GEMIN5: variants seen among roughly 807,000 people sequenced by gnomAD.
GEMIN5 encodes the protein gem nuclear organelle associated protein 5.
In GEMIN5, 124 loss-of-function variants were observed where a neutral mutation model predicts 176.9. The ratio of observed to expected loss-of-function variants is 0.70; its 90% CI spans 0.61 to 0.81. The LOEUF (loss-of-function observed/expected upper bound fraction) is 0.81, where lower values mean the gene tolerates loss of function less well. Ranked by LOEUF, GEMIN5 falls within the 40% of genes least tolerant of loss-of-function variation. The pLI, the probability that GEMIN5 is intolerant of heterozygous loss-of-function variation, is 0.00. For synonymous variants in GEMIN5, 673 were observed against 665.2 expected, an observed-to-expected ratio of 1.01 and a Z score of -0.18; for missense variants, 1,843 against 1,814.6, an observed-to-expected ratio of 1.02 and a Z score of -0.28.
Position 154,935,841 on chromosome 5 carries a change from C to T in GEMIN5, c.509G>A (p.Gly170Asp), listed in dbSNP as rs758065025. 6.2e-7 allele frequency: 1 copy of T among 1,607,002 alleles called. No individual in the cohort carries two copies. Among genetic ancestry groups the T allele is most frequent in the Non-Finnish European group, 8.5e-7 (1 of 1,174,074 alleles). Residue 170 changes from glycine to aspartate, a missense_variant and splice_region_variant, in exon 3 of 28, where the codon GGC (glycine) becomes GAC (aspartate). Transcript: ENST00000285873. The part of the protein sequence containing the change: ...SPHHEDLVAI[G>D]YKDGIVVIID... ...TCAATACAGATGGCATAGTACTTACCCAATGGCTACTAAATCTTCATGATG... is the reference window on the plus strand; with the variant it reads ...TCAATACAGATGGCATAGTACTTACTCAATGGCTACTAAATCTTCATGATG...
At chr5:154,921,951 T>C (rs573450146) in intron 9 of GEMIN5, among the ~76,000 whole-genome samples, 1 of 152,322 alleles carries the variant, frequency 6.6e-6, no homozygotes, top group African/African-American at 2.4e-5. Context: ...TGCTTAACTT[T>C]GTAGAAAAAA....
Position 154,904,540 on chromosome 5 carries a change from A to T in GEMIN5, c.2599T>A (p.Cys867Ser). 1.2e-6 allele frequency: 2 copies of T among 1,613,572 alleles called. No individual in the cohort carries two copies. The highest frequency in any genetic ancestry group is 1.7e-6 in the Non-Finnish European group (2 of 1,179,444). Reference protein sequence around the residue: ...HRSKEELHQDCLVLATAKHSR... With the variant: ...HRSKEELHQDSLVLATAKHSR... ...TGCTTTGCAGTTGCTAGTACCAAAC[A>T]GTCCTGATGAAGCTCCTCTTTGGAT... Residue 867 changes from cysteine to serine, a missense_variant, in exon 18 of 28, where the codon TGT becomes AGT. Coordinates refer to ENST00000285873, the MANE Select transcript of GEMIN5 (RefSeq NM_015465.5).
Position 154,911,846 on chromosome 5 carries a change from C to A in GEMIN5, c.2048G>T (p.Gly683Val). 1 of 1,614,106 alleles carries A rather than the reference C, an allele frequency of 6.2e-7. No homozygotes were observed. Among genetic ancestry groups the A allele is most frequent in the Non-Finnish European group, 8.5e-7 (1 of 1,179,960 alleles). The change falls in exon 15 of 28, where the codon GGT becomes GTT. Residue 683 changes from glycine to valine, a missense_variant. Gly to Val is a moderately radical substitution (Grantham distance 109). Coordinates refer to ENST00000285873, the MANE Select transcript of GEMIN5 (RefSeq NM_015465.5). Reference protein sequence around the residue: ...EPLCNFRGHRGRLLCVAWSPL... With the variant: ...EPLCNFRGHRVRLLCVAWSPL... ...AGACCATGCCACACAAAGCAGTCGA[C>A]CTCGATGTCCTCGGAAATTGCACAG...
At chr5:154,925,462 C>T (rs921185037) in intron 8 of GEMIN5, among the ~76,000 whole-genome samples, 6 of 152,106 alleles carry the variant, frequency 3.9e-5, no homozygotes, top group African/African-American at 1.4e-4. Context: ...TGTTTTATAA[C>T]CTGCTTTCCA....
chr5:154,922,402 C>T (rs1356261615), intron 9 of GEMIN5, among the ~76,000 whole-genome samples: 1 of 152,204 alleles, frequency 6.6e-6, no homozygotes, highest in South Asian at 2.1e-4. Flanking sequence ...CTCCTGACCT[C>T]GTGATCTGCC....
intron 13 of GEMIN5, 58 bp from the exon 14 acceptor site, chr5:154,913,096 A>C: frequency 1.4e-6 from 2 of 1,401,460 alleles, no homozygotes; most frequent in Non-Finnish European, 9.8e-7. Flanking sequence ...AAACAAAACA[A>C]AGTACATCCA....
intron 3 of GEMIN5, among the ~76,000 whole-genome samples, chr5:154,933,650 T>C (rs967206082): frequency 2.0e-5 from 3 of 152,222 alleles, no homozygotes; most frequent in Non-Finnish European, 2.9e-5. Flanking sequence ...CATTACAGCA[T>C]TCGACAGGGA....
intron 14 of GEMIN5, among the ~76,000 whole-genome samples, 193 bp from the exon 15 acceptor site, chr5:154,912,091 C>T (rs1479585936): frequency 6.6e-6 from 1 of 152,170 alleles, no homozygotes; most frequent in East Asian, 1.9e-4. Flanking sequence ...GACTTCTGTG[C>T]TTGGAGATGC....
chr5:154,905,801 G>C (rs570384089), intron 16 of GEMIN5, among the ~76,000 whole-genome samples: 5 of 151,168 alleles, frequency 3.3e-5, no homozygotes, highest in Non-Finnish European at 5.9e-5. Flanking sequence ...CTAGGTCCAA[G>C]CAATTCTCCT....
intron 12 of GEMIN5, 33 bp from the exon 13 acceptor site, chr5:154,917,212 T>G: frequency 8.0e-7 from 1 of 1,255,540 alleles, no homozygotes; most frequent in Non-Finnish European, 1.1e-6. Context: ...ACAAGAAAGA[T>G]GGATGATCAA....
At chr5:154,888,491 C>A in intron 27 of GEMIN5, 114 bp from the exon 28 acceptor site, 1 of 760,808 alleles carries the variant, frequency 1.3e-6, no homozygotes, top group Non-Finnish European at 2.1e-6. Flanking sequence ...TTGGACACAG[C>A]TGAGCCAGCT....
chr5:154,927,285 G>A, intron 7 of GEMIN5, 100 bp downstream of exon 7: 1 of 660,328 alleles, frequency 1.5e-6, no homozygotes, highest in Non-Finnish European at 2.7e-6. Context: ...AGTCAGGGGT[G>A]GAGTATTACG....
intron 9 of GEMIN5, among the ~76,000 whole-genome samples, chr5:154,923,528 G>C (rs916315042): frequency 6.6e-6 from 1 of 152,188 alleles, no homozygotes; most frequent in Non-Finnish European, 1.5e-5. Context: ...ACTCTGCTGT[G>C]GTAGTATGAA....
chr5:154,892,842 T>A (rs1423653540), intron 24 of GEMIN5, among the ~76,000 whole-genome samples: 1 of 152,172 alleles, frequency 6.6e-6, no homozygotes, highest in African/African-American at 2.4e-5. Flanking sequence ...CTCATGCCTG[T>A]AATCCCAGCA....
At position 154,888,300 on chromosome 5, in the gene GEMIN5, G is replaced by A. The variant is rs751039299; in HGVS notation, c.4437C>T (p.Ala1479=). 1.9e-6 allele frequency: 3 copies of A among 1,614,134 alleles called. No homozygotes were observed. Among genetic ancestry groups the A allele is most frequent in the Non-Finnish European group, 2.5e-6 (3 of 1,180,014 alleles). The stretch of plus-strand genomic sequence containing the variant: ...CTTGGGCCTGCTGCTGCATTTCCTG[G>A]GCCAGACAGCCAGGAAAGTGGGACC... ...LIRSHFPGCL[A]QEMQQQAQEL... is the part of the protein sequence containing the mutation. Residue 1479 remains alanine (A), a synonymous_variant, in exon 28 of 28, where the codon GCC becomes GCT. Transcript: ENST00000285873.
chr5:154,893,951 C>CT (rs1763294246), intron 24 of GEMIN5, among the ~76,000 whole-genome samples: 1 of 152,032 alleles, frequency 6.6e-6, no homozygotes, highest in Non-Finnish European at 1.5e-5. Context: ...TTCCTTTTTA[C>CT]TTTCTTTTTT....
rs1276131984 is a variant in GEMIN5, at chr5:154,887,983, C to T, written c.*227G>A. The T allele has an allele frequency of 1.9e-6, 1 of 513,340 alleles. No homozygotes were observed. Among genetic ancestry groups the T allele is most frequent in the African/African-American group, 1.9e-5 (1 of 51,812 alleles). 31.8% of individuals were successfully genotyped at this position (513,340 alleles called of 1,614,324 possible). On this transcript the variant is annotated 3_prime_UTR_variant, in exon 28 of 28. Transcript: ENST00000285873. ...GTTAGTTCTGAATAACTACTGTGGG[C>T]TTTTCATGATCTTCCCTCCAGTAGG...
In GEMIN5 at chr5:154,891,336, T is replaced by C. The variant is rs773582487; in HGVS notation, c.4167A>G (p.Gln1389=). 2 of 1,614,048 alleles carry C rather than the reference T, an allele frequency of 1.2e-6. No individual in the cohort carries two copies. The highest frequency in any genetic ancestry group is 2.2e-5 in the South Asian group (2 of 91,086). The change falls in exon 26 of 28, where the codon CAA becomes CAG. Residue 1389 remains glutamine (Q), a synonymous_variant. Transcript: ENST00000285873. ...ETLAEMIRQH[Q]KSQLCKSTAN... Reference sequence around the variant, plus strand: ...CTGTGGATTTACAGAGTTGACTCTTTTGGTGTTGTCGGATCATTTCTGCCA... The same window carrying C: ...CTGTGGATTTACAGAGTTGACTCTTCTGGTGTTGTCGGATCATTTCTGCCA...
At chr5:154,920,641 A>G (rs1027768181) in intron 10 of GEMIN5, among the ~76,000 whole-genome samples, 1 of 152,212 alleles carries the variant, frequency 6.6e-6, no homozygotes, top group African/African-American at 2.4e-5. Flanking sequence ...CACAAATCAA[A>G]TACCCAGTAA....
Sources: gnomAD v4.1 joint callset for allele counts (sites outside exome capture counted in the v4.1 genomes callset) on GRCh38, gnomAD v4.1.1 for gene constraint, MANE v1.5 for transcripts, NCBI Gene and HGNC (gene_info 2026-07-23, HGNC 2026-07-21) for gene names.